The following GRAMD4 variants were observed in gnomAD, a reference collection of about 807,000 sequenced individuals.
GRAMD4 encodes the protein GRAM domain-containing protein 4.
Under a neutral mutation model 83.9 loss-of-function variants are expected in GRAMD4, and 25 were observed. That is an observed-to-expected ratio of 0.30 (90% confidence interval 0.22 to 0.42). The LOEUF (loss-of-function observed/expected upper bound fraction) is 0.42. GRAMD4 is among the 10% of genes least tolerant of loss of function. The pLI, the probability that GRAMD4 is intolerant of heterozygous loss-of-function variation, is 1.00. For synonymous variants in GRAMD4, 336 were observed against 320.9 expected (o/e 1.05, Z -0.50); for missense variants, 593 against 788.7 (o/e 0.75, Z 2.97).
At chr22:46,600,175 C>A (rs995338518) in intron 1 of GRAMD4, among the ~76,000 whole-genome samples, 1 of 152,160 alleles carries the variant, frequency 6.6e-6, no homozygotes, top group Non-Finnish European at 1.5e-5. Context: ...GAGAGAATCA[C>A]CTGCCTGTGA....
intron 3 of GRAMD4, among the ~76,000 whole-genome samples, chr22:46,648,124 G>A (rs2082097609): frequency 6.6e-6 from 1 of 152,088 alleles, no homozygotes; most frequent in Admixed American, 6.5e-5. Context: ...ACGGGTGGGT[G>A]GATGGGTAGA....
intron 1 of GRAMD4, among the ~76,000 whole-genome samples, chr22:46,578,452 C>A (rs1212048355): frequency 6.6e-6 from 1 of 152,184 alleles, no homozygotes; most frequent in Non-Finnish European, 1.5e-5. Context: ...AGCAAGTGGG[C>A]AGGGGCAGGT....
Position 46,678,313 on chromosome 22 carries a change from C to T in GRAMD4, c.*1062C>T, listed in dbSNP as rs866168345. 2.1e-5 allele frequency: 21 copies of T among 985,392 alleles called. No individual in the cohort carries two copies. Among genetic ancestry groups the T allele is most frequent in the Middle Eastern group, 5.2e-4 (1 of 1,936 alleles). 61.0% of individuals were successfully genotyped at this position (985,392 alleles called of 1,614,324 possible). ...GCAACCGTGAGCCGAGCCCAGAGGC[C>T]TGGGCCTGCACTGCCTGCAGCCGAC... On this transcript the variant is annotated 3_prime_UTR_variant, in exon 19 of 19. Coordinates refer to ENST00000406902, the MANE Select transcript of GRAMD4 (RefSeq NM_015124.5).
At position 46,672,626 on chromosome 22, in the gene GRAMD4, C is replaced by G. The variant is rs1463710907; in HGVS notation, c.1085-217C>G. Among the ~76,000 whole-genome samples the G allele has an allele frequency of 6.6e-6, 1 of 151,742 alleles. No individual in the cohort carries two copies. Among genetic ancestry groups the G allele is most frequent in the Non-Finnish European group, 1.5e-5 (1 of 67,924 alleles). On this transcript the variant is annotated intron_variant, in intron 13 of 18. Transcript: ENST00000406902. The surrounding 1 kb of genome is among the most constrained non-coding windows in gnomAD (Gnocchi z 4.7). The stretch of plus-strand genomic sequence containing the variant: ...TGGGTGGGGCGCTGGCAGTGGGGCC[C>G]TCGCCTGGGGTTGAGACTGTGCAGC...
At chr22:46,639,881 A>G (rs1017673616) in intron 3 of GRAMD4, among the ~76,000 whole-genome samples, 3 of 152,070 alleles carry the variant, frequency 2.0e-5, no homozygotes, top group African/African-American at 7.2e-5. Context: ...TTGGGCAGAG[A>G]GGGGCTGGCC....
chr22:46,629,617 C>T (rs1002459298), intron 2 of GRAMD4, among the ~76,000 whole-genome samples: 1 of 152,160 alleles, frequency 6.6e-6, no homozygotes, highest in African/African-American at 2.4e-5. Flanking sequence ...GGCACAGAGG[C>T]CTTGGGGGTT....
rs1033218541 is a variant in GRAMD4 at position 46,659,751 on chromosome 22, G to C, written c.404+1444G>C. On this transcript the variant is annotated intron_variant, in intron 4 of 18. Coordinates refer to ENST00000406902, the MANE Select transcript of GRAMD4 (RefSeq NM_015124.5). The surrounding 1 kb of genome is among the most constrained non-coding windows in gnomAD (Gnocchi z 4.1). ...TCATGTGGGGGCATCCAGCTGGTGT[G>C]GGGGAGGGAGAGGCCTCACTTTCCT... Among the ~76,000 whole-genome samples the C allele has an allele frequency of 1.3e-5, 2 of 152,094 alleles. No homozygotes were observed. Among genetic ancestry groups the C allele is most frequent in the South Asian group, 2.1e-4 (1 of 4,830 alleles).
chr22:46,595,197 T>C (rs1277567314), intron 1 of GRAMD4, among the ~76,000 whole-genome samples: 1 of 152,044 alleles, frequency 6.6e-6, no homozygotes, highest in Non-Finnish European at 1.5e-5. Flanking sequence ...ACGTTTTCAA[T>C]CCCAGGGTGG....
At chr22:46,576,403 A>G (rs1010889400), upstream of GRAMD4, among the ~76,000 whole-genome samples, 15 of 152,114 alleles carry the variant, frequency 9.9e-5, no homozygotes, top group Non-Finnish European at 2.1e-4. Flanking sequence ...GAGGGTCCAA[A>G]ACCCGGGGAT....
intron 1 of GRAMD4, chr22:46,587,938 A>G (rs1374678330): frequency 3.9e-5 from 38 of 985,258 alleles, no homozygotes; most frequent in Non-Finnish European, 4.0e-5. Flanking sequence ...ACGCACTCAC[A>G]TCACAGGTTG....
At chr22:46,578,776 G>A (rs1202045585) in intron 1 of GRAMD4, among the ~76,000 whole-genome samples, 1 of 152,168 alleles carries the variant, frequency 6.6e-6, no homozygotes, top group African/African-American at 2.4e-5. Context: ...CCCTTCCGAA[G>A]ACCCCTGCCT....
upstream of GRAMD4, among the ~76,000 whole-genome samples, chr22:46,576,243 C>G (rs1330021247): frequency 6.6e-6 from 1 of 152,200 alleles, no homozygotes; most frequent in Admixed American, 6.5e-5. Context: ...CACCCTCCCA[C>G]CCCAACTCCT....
intron 1 of GRAMD4, among the ~76,000 whole-genome samples, chr22:46,591,814 CA>C (rs201437021): frequency 0.03 from 3,523 of 116,238 alleles, 191 homozygotes; most frequent in African/African-American, 0.11. Flanking sequence ...GCCTGGGTGA[CA>C]GAGCGAGACT....
At chr22:46,611,559 G>C (rs2081417204) in intron 1 of GRAMD4, among the ~76,000 whole-genome samples, 2 of 152,180 alleles carry the variant, frequency 1.3e-5, no homozygotes, top group East Asian at 3.8e-4. Flanking sequence ...TAGGGGAGAT[G>C]AACACTGGTG....
At chr22:46,602,615 TCGTACCACTG>T (rs1321496130) in intron 1 of GRAMD4, among the ~76,000 whole-genome samples, 2 of 151,912 alleles carry the variant, frequency 1.3e-5, no homozygotes, top group African/African-American at 4.8e-5. Context: ...TGAGCTGTGA[TCGTACCACTG>T]CACTCCAGCC....
At chr22:46,673,233 C>G (rs2082540405) in intron 14 of GRAMD4, among the ~76,000 whole-genome samples, 1 of 152,200 alleles carries the variant, frequency 6.6e-6, no homozygotes, top group African/African-American at 2.4e-5. Flanking sequence ...TGACTGAGAG[C>G]CAGCAGGCCT....
chr22:46,625,027 A>AT lies in GRAMD4; in HGVS notation c.-49-1718dup, dbSNP rs1047336380. Among the ~76,000 whole-genome samples the AT allele has an allele frequency of 4.1e-4, 63 of 151,866 alleles. No individual in the cohort carries two copies. The Middle Eastern group carries it at 0.01, about 25-fold the overall frequency. On this transcript the variant is annotated intron_variant, in intron 1 of 18. Coordinates refer to ENST00000406902, the MANE Select transcript of GRAMD4 (RefSeq NM_015124.5). ...AGGCGCCCACCACCACGCCCGGCTAATTTTTTGTATTTTTAGTAGAGATGG... is the reference window on the plus strand; with the variant it reads ...AGGCGCCCACCACCACGCCCGGCTAATTTTTTTGTATTTTTAGTAGAGATGG...
intron 1 of GRAMD4, among the ~76,000 whole-genome samples, chr22:46,625,360 T>A (rs1284443406): frequency 6.6e-6 from 1 of 152,202 alleles, no homozygotes; most frequent in East Asian, 1.9e-4. Context: ...GGAGGAGGCT[T>A]TGGGGGCGGG....
chr22:46,617,036 C>T (rs1373324698), upstream of GRAMD4, among the ~76,000 whole-genome samples: 2 of 129,666 alleles, frequency 1.5e-5, no homozygotes, highest in African/African-American at 3.0e-5. Context: ...GTGTAGGTTC[C>T]CCTGTGCGTG....
Sources: gnomAD v4.1 joint callset for allele counts (sites outside exome capture counted in the v4.1 genomes callset) on GRCh38, gnomAD v4.1.1 for gene constraint, Gnocchi (gnomAD v3.1) non-coding constraint, MANE v1.5 for transcripts, NCBI Gene and HGNC (gene_info 2026-07-23, HGNC 2026-07-21) for gene names.